The following BICD1 variants were observed in gnomAD, a reference collection of about 807,000 sequenced individuals.
BICD1 encodes the protein BICD cargo adaptor 1.
In BICD1, 35 loss-of-function variants were observed where a neutral mutation model predicts 92.5. That is an observed-to-expected ratio of 0.38 (90% CI 0.29 to 0.50). The LOEUF (loss-of-function observed/expected upper bound fraction) is 0.50. Among genes scored for constraint, BICD1 ranks in the 20% least tolerant of loss-of-function variants. The pLI is 0.93. For missense variants in BICD1, 950 were observed against 1,189.8 expected, an observed-to-expected ratio of 0.80 and a Z score of 2.97; for synonymous variants, 429 against 465.1, an observed-to-expected ratio of 0.92 and a Z score of 1.00.
At chr12:32,318,816 C>T (rs1447936462) in intron 4 of BICD1, among the ~76,000 whole-genome samples, 7 of 152,076 alleles carry the variant, frequency 4.6e-5, no homozygotes, top group African/African-American at 1.4e-4. Flanking sequence ...ATCGTGCCAT[C>T]GCACTCCAGC....
intron 2 of BICD1, among the ~76,000 whole-genome samples, chr12:32,252,308 A>C (rs1270879052): frequency 6.7e-6 from 1 of 150,002 alleles, no homozygotes; most frequent in Non-Finnish European, 1.5e-5. Context: ...GGTCCTAGCA[A>C]ACCAGTTTCC....
chr12:32,118,287 T>C (rs1261099626), intron 1 of BICD1, among the ~76,000 whole-genome samples: 1 of 149,808 alleles, frequency 6.7e-6, no homozygotes, highest in African/African-American at 2.5e-5. Context: ...TTCACCGTGT[T>C]AGCCAGGATG....
intron 2 of BICD1, among the ~76,000 whole-genome samples, chr12:32,225,621 G>GTTTTTGTTTTTTTTTTTTTTTTTT (rs1411722126): frequency 4.3e-5 from 4 of 92,776 alleles, no homozygotes; most frequent in Non-Finnish European, 6.4e-5. Context: ...CTTTTTTTCT[G>GTTTTTGTTTTTTTTTTTTTTTTTT]TTTTTTTTTT....
chr12:32,116,710 G>A (rs113878324), intron 1 of BICD1, among the ~76,000 whole-genome samples: 1 of 147,724 alleles, frequency 6.8e-6, no homozygotes, highest in Non-Finnish European at 1.5e-5. Context: ...ACCTGATTTT[G>A]TTTTTACTGG....
At chr12:32,128,707 TC>T in intron 1 of BICD1, among the ~76,000 whole-genome samples, 1 of 152,324 alleles carries the variant, frequency 6.6e-6, no homozygotes, top group Admixed American at 6.5e-5. Context: ...TGAGTTTTTT[TC>T]CTGTCATAAT....
chr12:32,254,913 T>C (rs1239270466), intron 2 of BICD1, among the ~76,000 whole-genome samples: 1 of 152,218 alleles, frequency 6.6e-6, no homozygotes, highest in African/African-American at 2.4e-5. Context: ...GTAAGATGCA[T>C]TCAGTGTTTT....
At chr12:32,110,740 G>GT (rs1309298321) in intron 1 of BICD1, among the ~76,000 whole-genome samples, 11 of 148,218 alleles carry the variant, frequency 7.4e-5, no homozygotes, top group East Asian at 6.1e-4. Flanking sequence ...AAACTTAAGA[G>GT]TTTTTTTTAC....
chr12:32,240,601 G>A (rs1946209295), intron 2 of BICD1, among the ~76,000 whole-genome samples: 1 of 152,134 alleles, frequency 6.6e-6, no homozygotes, highest in African/African-American at 2.4e-5. Context: ...GATAATCTCT[G>A]CATCTCAAAA....
intron 2 of BICD1, among the ~76,000 whole-genome samples, chr12:32,222,182 A>G (rs1033641128): frequency 6.6e-6 from 1 of 152,258 alleles, no homozygotes; most frequent in African/African-American, 2.4e-5. Flanking sequence ...ATTCCTAACC[A>G]GAATTGGTAT....
At position 32,381,505 on chromosome 12, in the gene BICD1, G is replaced by A. The variant is rs868829293; in HGVS notation, c.*3878G>A. The A allele has an allele frequency of 2.0e-5, 3 of 152,112 alleles. No individual in the cohort carries two copies. Among genetic ancestry groups the A allele is most frequent in the Admixed American group, 6.5e-5 (1 of 15,276 alleles). The allele number at this position is 152,112 out of a possible 1,614,324, so 9.4% of individuals were successfully genotyped here. ...TGGTCCAATAACCTAAGAATGTGGA[G>A]ATTTCTTGATATTCTGTATTAATTA... On this transcript the variant is annotated 3_prime_UTR_variant, in exon 10 of 10. Coordinates refer to ENST00000652176, the MANE Select transcript of BICD1 (RefSeq NM_001714.4).
chr12:32,278,781 G>A lies in BICD1; in HGVS notation c.427-15213G>A, dbSNP rs749102365. Among the ~76,000 whole-genome samples the A allele has an allele frequency of 7.2e-5, 11 of 152,296 alleles. No homozygotes were observed. In the East Asian group the frequency reaches 1.3e-3, roughly 19 times the overall value. Reference sequence around the variant, plus strand: ...TGAGGCAGGAGAATGGCATGAACCCGGAGGGCGGAGCTTGCAGTGAGCCGA... The same window carrying A: ...TGAGGCAGGAGAATGGCATGAACCCAGAGGGCGGAGCTTGCAGTGAGCCGA... On this transcript the variant is annotated intron_variant, in intron 2 of 9. Coordinates refer to ENST00000652176, the MANE Select transcript of BICD1 (RefSeq NM_001714.4).
chr12:32,368,876 T>C (rs1939625101), intron 9 of BICD1, among the ~76,000 whole-genome samples: 1 of 152,004 alleles, frequency 6.6e-6, no homozygotes, highest in South Asian at 2.1e-4. Context: ...ATCACATCAC[T>C]GCACTCCAGC....
Position 32,106,948 on chromosome 12 carries a change from G to A in BICD1, c.-384G>A, listed in dbSNP as rs1247521651. ...AGACCCAGGGCGAGACTGCAGTGACGCGGCCCGGGAGACATGGCGGACGGG... is the reference window on the plus strand; with the variant it reads ...AGACCCAGGGCGAGACTGCAGTGACACGGCCCGGGAGACATGGCGGACGGG... On this transcript the variant is annotated 5_prime_UTR_variant, in exon 1 of 10. Coordinates refer to ENST00000652176, the MANE Select transcript of BICD1 (RefSeq NM_001714.4). 9.3e-6 allele frequency: 2 copies of A among 215,380 alleles called. No individual in the cohort carries two copies. The highest frequency in any genetic ancestry group is 2.4e-5 in the African/African-American group (1 of 42,046). 13.3% of individuals were successfully genotyped at this position (215,380 alleles called of 1,614,324 possible).
intron 3 of BICD1, among the ~76,000 whole-genome samples, chr12:32,299,123 T>C (rs919889027): frequency 6.6e-6 from 1 of 152,188 alleles, no homozygotes; most frequent in African/African-American, 2.4e-5. Context: ...TTAAGATCTT[T>C]AGAGTTCCTA....
intron 8 of BICD1, among the ~76,000 whole-genome samples, chr12:32,343,028 T>C (rs982151702): frequency 1.3e-5 from 2 of 152,238 alleles, no homozygotes; most frequent in African/African-American, 4.8e-5. Context: ...ACAATTGCAG[T>C]GCTTCTGGCC....
intron 1 of BICD1, among the ~76,000 whole-genome samples, chr12:32,156,837 A>C (rs931487835): frequency 3.9e-5 from 6 of 152,250 alleles, no homozygotes; most frequent in Non-Finnish European, 5.9e-5. Flanking sequence ...TATGTTCTTC[A>C]TATATTATTT....
At chr12:32,245,466 C>T (rs12317181) in intron 2 of BICD1, among the ~76,000 whole-genome samples, 11,167 of 152,032 alleles carry the variant, frequency 0.073, 1,420 homozygotes, top group African/African-American at 0.26. Flanking sequence ...AAGTGATTTT[C>T]CTAAAGCAAA....
intron 1 of BICD1, among the ~76,000 whole-genome samples, chr12:32,179,438 C>G (rs1031111762): frequency 6.6e-6 from 1 of 151,996 alleles, no homozygotes; most frequent in African/African-American, 2.4e-5. Flanking sequence ...TTGAACCTGA[C>G]ATCAAAATAT....
chr12:32,215,714 C>T (rs540682820), intron 1 of BICD1, among the ~76,000 whole-genome samples: 43 of 152,038 alleles, frequency 2.8e-4, no homozygotes, highest in Admixed American at 9.2e-4. Flanking sequence ...CTTTGGGAGG[C>T]TGAGACGGGC....
Sources: allele counts gnomAD v4.1 joint callset (sites outside exome capture counted in the v4.1 genomes callset), GRCh38; gene constraint gnomAD v4.1.1; transcripts MANE v1.5; gene names NCBI Gene and HGNC (gene_info 2026-07-23, HGNC 2026-07-21).